The following EPHA6 variants were observed in gnomAD, a reference collection of about 807,000 sequenced individuals.
EPHA6 encodes the protein ephrin type-A receptor 6.
A neutral mutation model predicts 112.0 loss-of-function variants in EPHA6; 50 were observed. The observed-to-expected ratio is 0.45, with a 90% CI of 0.36 to 0.56. EPHA6 has a LOEUF of 0.56. Among genes scored for constraint, EPHA6 ranks in the 20% least tolerant of loss-of-function variants. The probability of loss-of-function intolerance (pLI) is 0.00; values close to 1 mark genes in which losing one functional copy is unlikely to be tolerated. For missense variants in EPHA6, 1,280 were observed against 1,417.4 expected, an observed-to-expected ratio of 0.90 and a Z score of 1.56; for synonymous variants, 529 against 490.7, an observed-to-expected ratio of 1.08 and a Z score of -1.03.
At chr3:97,241,550 T>C (rs760241380) in intron 4 of EPHA6, among the ~76,000 whole-genome samples, 3 of 151,850 alleles carry the variant, frequency 2.0e-5, no homozygotes, top group Non-Finnish European at 4.4e-5. Flanking sequence ...ACACATCATT[T>C]AGTTGAATCT....
intron 3 of EPHA6, among the ~76,000 whole-genome samples, chr3:97,010,818 C>T (rs1250237552): frequency 6.6e-6 from 1 of 152,108 alleles, no homozygotes; most frequent in Non-Finnish European, 1.5e-5. Context: ...CCACCATGCT[C>T]AGTTATTTAT....
At chr3:96,894,148 T>G (rs148831622) in intron 2 of EPHA6, among the ~76,000 whole-genome samples, 1 of 152,118 alleles carries the variant, frequency 6.6e-6, no homozygotes, top group Non-Finnish European at 1.5e-5. Context: ...TCATTTGTGA[T>G]CTGGCACAGA....
chr3:96,819,610 T>C (rs1328093078), intron 1 of EPHA6, among the ~76,000 whole-genome samples: 1 of 152,114 alleles, frequency 6.6e-6, no homozygotes, highest in East Asian at 1.9e-4. Flanking sequence ...ACAAACATGC[T>C]GGAAATCAAT....
chr3:97,043,244 A>T (rs1478719762), intron 3 of EPHA6, among the ~76,000 whole-genome samples: 1 of 152,134 alleles, frequency 6.6e-6, no homozygotes, highest in African/African-American at 2.4e-5. Context: ...CAGAGAGAAG[A>T]TGTAATATCT....
At chr3:97,505,963 TG>T (rs1485000741) in intron 10 of EPHA6, among the ~76,000 whole-genome samples, 1 of 152,172 alleles carries the variant, frequency 6.6e-6, no homozygotes, top group Non-Finnish European at 1.5e-5. Flanking sequence ...TTCATGTGTT[TG>T]TTTGGCCACA....
chr3:97,578,270 G>A (rs748162345), intron 11 of EPHA6, among the ~76,000 whole-genome samples: 71 of 151,962 alleles, frequency 4.7e-4, no homozygotes, highest in Non-Finnish European at 9.3e-4. Flanking sequence ...GTGAACCTCC[G>A]AGACCCAAGA....
intron 2 of EPHA6, among the ~76,000 whole-genome samples, chr3:96,898,980 A>G (rs1408853983): frequency 2.7e-5 from 4 of 150,842 alleles, no homozygotes; most frequent in Non-Finnish European, 5.9e-5. Flanking sequence ...GTGAGTTGAG[A>G]TCGCGCCACT....
At chr3:97,463,979 GA>G (rs752035466) in intron 7 of EPHA6, among the ~76,000 whole-genome samples, 4 of 152,090 alleles carry the variant, frequency 2.6e-5, no homozygotes, top group Non-Finnish European at 5.9e-5. Flanking sequence ...AAAAGATTGA[GA>G]CAAGAAACTG....
intron 3 of EPHA6, among the ~76,000 whole-genome samples, chr3:97,154,200 A>G (rs1048085511): frequency 6.6e-6 from 1 of 151,908 alleles, no homozygotes; most frequent in Admixed American, 6.6e-5. Flanking sequence ...TTTGATGGAA[A>G]CTATTAGGGC....
chr3:97,425,606 G>T (rs191463387), intron 6 of EPHA6, among the ~76,000 whole-genome samples: 2 of 152,172 alleles, frequency 1.3e-5, no homozygotes, highest in Non-Finnish European at 1.5e-5. Context: ...AGGGACTGCC[G>T]GGAAGATCTC....
chr3:97,242,436 C>G (rs1312231371), intron 4 of EPHA6, among the ~76,000 whole-genome samples: 1 of 151,832 alleles, frequency 6.6e-6, no homozygotes, highest in Non-Finnish European at 1.5e-5. Context: ...CAGAATGTTA[C>G]CTAAAACAGG....
intron 1 of EPHA6, among the ~76,000 whole-genome samples, chr3:96,835,358 C>T (rs1365920192): frequency 6.6e-6 from 1 of 152,044 alleles, no homozygotes; most frequent in Non-Finnish European, 1.5e-5. Flanking sequence ...CATCTACTTT[C>T]AAGTTTCAAG....
At chr3:97,238,937 AT>A (rs1281679445) in intron 4 of EPHA6, among the ~76,000 whole-genome samples, 1 of 151,934 alleles carries the variant, frequency 6.6e-6, no homozygotes, top group African/African-American at 2.4e-5. Flanking sequence ...GGTCTATTCG[AT>A]TTTTTGTTTG....
chr3:97,422,897 A>G (rs1455583912), intron 6 of EPHA6, among the ~76,000 whole-genome samples: 1 of 152,194 alleles, frequency 6.6e-6, no homozygotes, highest in Non-Finnish European at 1.5e-5. Flanking sequence ...AACTAAAAAC[A>G]AAAACCACAT....
intron 5 of EPHA6, among the ~76,000 whole-genome samples, chr3:97,300,106 A>C (rs150247750): frequency 7.9e-5 from 12 of 152,346 alleles, no homozygotes; most frequent in African/African-American, 2.9e-4. Context: ...CATAACTTTC[A>C]AGAAGATTAG....
intron 5 of EPHA6, among the ~76,000 whole-genome samples, chr3:97,272,121 C>A (rs1254822076): frequency 6.6e-6 from 1 of 152,152 alleles, no homozygotes; most frequent in Non-Finnish European, 1.5e-5. Context: ...CTGTTCCATT[C>A]TCTGTTTCTA....
At chr3:97,147,463 CA>C (rs1289008708) in intron 3 of EPHA6, among the ~76,000 whole-genome samples, 2 of 151,906 alleles carry the variant, frequency 1.3e-5, no homozygotes, top group Admixed American at 1.3e-4. Context: ...ATGCCAGTCA[CA>C]AAGTGGCACT....
In EPHA6 at chr3:97,402,074, CAT is replaced by C. The variant is rs1323511733; in HGVS notation, c.1607-3075_1607-3074del. On this transcript the variant is annotated intron_variant, in intron 5 of 17. Transcript: ENST00000389672. ...TGTTGAGACTTGTTTTGTGGCCTAA[CAT>C]GTGGTCTATTCTGGAGAATGTTCCA... 3.3e-5 allele frequency among the ~76,000 whole-genome samples: 5 copies of C among 152,126 alleles called. No homozygotes were observed. In the East Asian group the frequency reaches 9.6e-4, roughly 29 times the overall value.
At chr3:97,497,258 A>G (rs1375909520) in intron 10 of EPHA6, among the ~76,000 whole-genome samples, 2 of 152,112 alleles carry the variant, frequency 1.3e-5, no homozygotes, top group African/African-American at 4.8e-5. Flanking sequence ...TCCTTCACGC[A>G]TTGCTCTGGC....
Sources: gnomAD v4.1 joint callset for allele counts (sites outside exome capture counted in the v4.1 genomes callset) on GRCh38, gnomAD v4.1.1 for gene constraint, MANE v1.5 for transcripts, NCBI Gene and HGNC (gene_info 2026-07-23, HGNC 2026-07-21) for gene names.